Variants in NSL1 observed in about 807,000 individuals in gnomAD.
The protein encoded by NSL1 is kinetochore-associated protein NSL1 homolog.
NSL1 carries 11 observed loss-of-function variants against 25.4 expected under a neutral mutation model. That is an observed-to-expected ratio of 0.43 (90% CI 0.27 to 0.72). The LOEUF (loss-of-function observed/expected upper bound fraction) is 0.72, where lower values mean the gene tolerates loss of function less well. Ranked by LOEUF, NSL1 falls within the 30% of genes least tolerant of loss-of-function variation. The pLI is 0.19. For missense variants in NSL1, 330 were observed against 342.7 expected (o/e 0.96, Z 0.29); for synonymous variants, 118 against 120.6 (o/e 0.98, Z 0.14).
intron 4 of NSL1, among the ~76,000 whole-genome samples, chr1:212,746,167 T>C (rs1658784745): frequency 6.6e-6 from 1 of 152,138 alleles, no homozygotes; most frequent in Admixed American, 6.5e-5. Flanking sequence ...GACGTCTCCT[T>C]TTTTTCTACA....
chr1:212,775,826 G>GC (rs1558059159), intron 4 of NSL1, among the ~76,000 whole-genome samples: 1 of 143,976 alleles, frequency 6.9e-6, no homozygotes, highest in Non-Finnish European at 1.6e-5. Flanking sequence ...ATAAATTGGT[G>GC]GTTTTTTTTT....
At chr1:212,762,715 C>T (rs1174409662) in intron 4 of NSL1, among the ~76,000 whole-genome samples, 8 of 152,126 alleles carry the variant, frequency 5.3e-5, no homozygotes, top group Non-Finnish European at 1.2e-4. Flanking sequence ...TGGGAGAAAG[C>T]CTTAACCCTA....
In NSL1 at chr1:212,760,957, A is replaced by C. The variant is rs928745807; in HGVS notation, c.500-21356T>G. On this transcript the variant is annotated intron_variant, in intron 4 of 5. Transcript: ENST00000366977. The surrounding 1 kb of genome is among the most constrained non-coding windows in gnomAD (Gnocchi z 4.3). ...ACCCTCTAGTACCAACCATAGCGTA[A>C]GTCACTAAGGAACTCACAAACATCA... Among the ~76,000 whole-genome samples, 23 of 152,228 alleles carry C rather than the reference A, an allele frequency of 1.5e-4. No individual in the cohort carries two copies. Among genetic ancestry groups the C allele is most frequent in the African/African-American group, 5.5e-4 (23 of 41,448 alleles).
chr1:212,779,473 T>A (rs1319216614), intron 4 of NSL1, among the ~76,000 whole-genome samples: 257 of 80,400 alleles, frequency 3.2e-3, no homozygotes, highest in Middle Eastern at 0.011. Flanking sequence ...GAGGAGCCCC[T>A]CTGCACGGCC....
intron 4 of NSL1, among the ~76,000 whole-genome samples, chr1:212,780,694 A>G (rs1387476993): frequency 6.6e-6 from 1 of 152,170 alleles, no homozygotes; most frequent in Non-Finnish European, 1.5e-5. Context: ...AATCAGTTTC[A>G]TATGATTCTA....
intron 4 of NSL1, among the ~76,000 whole-genome samples, chr1:212,767,020 C>T (rs924695908): frequency 2.0e-5 from 3 of 152,064 alleles, no homozygotes; most frequent in Admixed American, 6.5e-5. Flanking sequence ...TACTGCCAGA[C>T]GCAATCTACA....
At chr1:212,745,205 C>CATATATAT (rs1658731577) in intron 4 of NSL1, among the ~76,000 whole-genome samples, 7 of 72,188 alleles carry the variant, frequency 9.7e-5, no homozygotes, top group African/African-American at 6.8e-4. Context: ...TATATATATG[C>CATATATAT]ATATGCATAT....
At chr1:212,779,842 C>T (rs1397598152) in intron 4 of NSL1, among the ~76,000 whole-genome samples, 1 of 146,154 alleles carries the variant, frequency 6.8e-6, no homozygotes, top group Admixed American at 6.7e-5. Flanking sequence ...GGGGGGTCAG[C>T]CCCCCGCCCG....
intron 4 of NSL1, among the ~76,000 whole-genome samples, chr1:212,767,369 G>A (rs372968530): frequency 4.4e-4 from 67 of 151,816 alleles, no homozygotes; most frequent in African/African-American, 1.4e-3. Flanking sequence ...CAAGCCACAT[G>A]TAGAAGAATG....
rs1658072596 is a variant in NSL1 at position 212,732,666 on chromosome 1, G to A, written c.*5742C>T. On this transcript the variant is annotated 3_prime_UTR_variant, in exon 6 of 6. Transcript: ENST00000366977. ...ATTAGTTAGTAGCCTGTAGACTCGA[G>A]TGTGCTGTGTTTTGGGAGCCTTAGT... The A allele has an allele frequency of 3.0e-6, 3 of 985,234 alleles. No homozygotes were observed. Among genetic ancestry groups the A allele is most frequent in the Non-Finnish European group, 2.4e-6 (2 of 829,898 alleles). The allele number at this position is 985,234 out of a possible 1,614,324, so 61.0% of individuals were successfully genotyped here. A position where few individuals can be genotyped will look rare whatever the true frequency, so the allele number is the denominator to read the frequency against.
At position 212,791,737 on chromosome 1, in the gene NSL1, G is replaced by C. The variant is rs1661298776; in HGVS notation, c.27C>G (p.Val9=). The C allele has an allele frequency of 6.2e-7, 1 of 1,611,972 alleles. No individual in the cohort carries two copies. Among genetic ancestry groups the C allele is most frequent in the African/African-American group, 1.3e-5 (1 of 74,994 alleles). The change falls in exon 1 of 6, where the codon GTC becomes GTG. Residue 9 remains valine, a synonymous_variant. Coordinates refer to ENST00000366977, the MANE Select transcript of NSL1 (RefSeq NM_015471.4). MAGSPELV[V]LDPPWDKELA... ...GCTCCTTGTCCCATGGAGGGTCAAGGACCACCAACTCAGGAGACCCCGCCA... is the reference window on the plus strand; with the variant it reads ...GCTCCTTGTCCCATGGAGGGTCAAGCACCACCAACTCAGGAGACCCCGCCA...
At chr1:212,782,505 A>G in intron 3 of NSL1, 79 bp from the exon 4 acceptor site, 1 of 1,002,060 alleles carries the variant, frequency 1.0e-6, no homozygotes, top group Non-Finnish European at 1.6e-6. Context: ...TATGGGAGAT[A>G]TACTATAGAG....
At position 212,732,663 on chromosome 1, in the gene NSL1, C is replaced by G. The variant is rs139217512; in HGVS notation, c.*5745G>C. Reference sequence around the variant, plus strand: ...CTGATTAGTTAGTAGCCTGTAGACTCGAGTGTGCTGTGTTTTGGGAGCCTT... The same window carrying G: ...CTGATTAGTTAGTAGCCTGTAGACTGGAGTGTGCTGTGTTTTGGGAGCCTT... On this transcript the variant is annotated 3_prime_UTR_variant, in exon 6 of 6. Transcript: ENST00000366977. 163 of 985,324 alleles carry G rather than the reference C, an allele frequency of 1.7e-4. 1 individual carries two copies. The African/African-American group carries it at 2.7e-3, about 16-fold the overall frequency. The allele number at this position is 985,324 out of a possible 1,614,324, so 61.0% of individuals were successfully genotyped here. A position where few individuals can be genotyped will look rare whatever the true frequency, so the allele number is the denominator to read the frequency against.
intron 4 of NSL1, among the ~76,000 whole-genome samples, chr1:212,775,336 A>G (rs1425464680): frequency 6.6e-6 from 1 of 152,222 alleles, no homozygotes; most frequent in Non-Finnish European, 1.5e-5. Flanking sequence ...ATGATGTTGC[A>G]TAACTCTGTG....
chr1:212,768,366 G>A (rs1057102048), intron 4 of NSL1, among the ~76,000 whole-genome samples: 47 of 145,758 alleles, frequency 3.2e-4, no homozygotes, highest in South Asian at 1.3e-3. Context: ...ACTACCATTC[G>A]ATCCAGCAAT....
chr1:212,740,986 T>A (rs963686355), intron 4 of NSL1, among the ~76,000 whole-genome samples: 4 of 152,208 alleles, frequency 2.6e-5, no homozygotes, highest in African/African-American at 9.6e-5. Flanking sequence ...GTGATACTGA[T>A]AACATCACCA....
chr1:212,772,623 G>A (rs1660174954), intron 4 of NSL1, among the ~76,000 whole-genome samples: 2 of 152,136 alleles, frequency 1.3e-5, no homozygotes, highest in African/African-American at 4.8e-5. Flanking sequence ...GTTGCAGTGA[G>A]CTGAGACTGC....
intron 4 of NSL1, among the ~76,000 whole-genome samples, chr1:212,762,670 C>T (rs1345912826): frequency 1.3e-5 from 2 of 152,186 alleles, no homozygotes; most frequent in Non-Finnish European, 1.5e-5. Context: ...TCTCGGAGCA[C>T]ACATCCCCAC....
chr1:212,752,092 T>C, intron 4 of NSL1, among the ~76,000 whole-genome samples: 1 of 152,226 alleles, frequency 6.6e-6, no homozygotes, highest in East Asian at 1.9e-4. Context: ...GGAGCCAAAC[T>C]ATTCCATATA....
Sources: allele counts gnomAD v4.1 joint callset (sites outside exome capture counted in the v4.1 genomes callset), GRCh38; gene constraint gnomAD v4.1.1; non-coding constraint Gnocchi (gnomAD v3.1); transcripts MANE v1.5; gene names NCBI Gene and HGNC (gene_info 2026-07-23, HGNC 2026-07-21).